The following COL4A3 variants were observed in gnomAD, a reference collection of about 807,000 sequenced individuals.
COL4A3 encodes the protein collagen type IV alpha 3 chain.
In COL4A3, 135 loss-of-function variants were observed where a neutral mutation model predicts 217.4. That is an observed-to-expected ratio of 0.62 (90% confidence interval 0.54 to 0.72). The LOEUF is 0.72. Ranked by LOEUF, COL4A3 falls within the 30% of genes least tolerant of loss-of-function variation. The pLI, the probability that COL4A3 is intolerant of heterozygous loss-of-function variation, is 0.00. For missense variants in COL4A3, 1,868 were observed against 2,119.9 expected (o/e 0.88, Z 2.33); for synonymous variants, 690 against 736.3 (o/e 0.94, Z 1.02).
At chr2:227,267,208 G>A (rs2070952669) in intron 23 of COL4A3, 120 bp downstream of exon 23, 1 of 744,916 alleles carries the variant, frequency 1.3e-6, no homozygotes, top group Non-Finnish European at 2.4e-6. Context: ...TGGAGGGAGA[G>A]TTTCAAAAAC....
At chr2:227,183,282 C>G (rs1051187775) in intron 1 of COL4A3, among the ~76,000 whole-genome samples, 1 of 152,208 alleles carries the variant, frequency 6.6e-6, no homozygotes, top group Non-Finnish European at 1.5e-5. Flanking sequence ...ACCTCCCACA[C>G]TCTCATTCTG....
At chr2:227,261,208 CAA>C in intron 20 of COL4A3, 91 bp downstream of exon 20, 2 of 1,122,696 alleles carry the variant, frequency 1.8e-6, no homozygotes, top group South Asian at 2.7e-5. Flanking sequence ...TTACATAAGA[CAA>C]ATGTTTCATT....
intron 20 of COL4A3, 54 bp from the exon 21 acceptor site, chr2:227,263,726 T>G (rs778917058): frequency 1.3e-6 from 2 of 1,515,346 alleles, no homozygotes; most frequent in African/African-American, 2.8e-5. Context: ...AAAAAATAAA[T>G]TCGTATTAAT....
chr2:227,212,162 T>TG (rs112745258), intron 1 of COL4A3, among the ~76,000 whole-genome samples: 4 of 100,856 alleles, frequency 4.0e-5, no homozygotes, highest in African/African-American at 1.0e-4. Context: ...GTTTTTTTTG[T>TG]TTTTTTTTGT....
chr2:227,232,817 T>C (rs2068479617), intron 1 of COL4A3, among the ~76,000 whole-genome samples: 1 of 152,214 alleles, frequency 6.6e-6, no homozygotes, highest in Admixed American at 6.5e-5. Context: ...TGATTAAATA[T>C]GAATGCATAA....
At chr2:227,193,799 A>G (rs2066347159) in intron 1 of COL4A3, among the ~76,000 whole-genome samples, 2 of 36,990 alleles carry the variant, frequency 5.4e-5, no homozygotes, top group African/African-American at 1.1e-4. Flanking sequence ...GAAGGAAGGA[A>G]GGGGAGGGAG....
intron 46 of COL4A3, 100 bp downstream of exon 46, chr2:227,304,244 G>A: frequency 6.7e-7 from 1 of 1,491,380 alleles, no homozygotes; most frequent in Non-Finnish European, 9.3e-7. Context: ...CACAGAAAAT[G>A]TTGAACATGA....
In COL4A3 at chr2:227,254,508, T is replaced by C. The variant is rs2070025315; in HGVS notation, c.829-148T>C. On this transcript the variant is annotated intron_variant, in intron 14 of 51. Coordinates refer to ENST00000396578, the MANE Select transcript of COL4A3 (RefSeq NM_000091.5). ...TTTAGCATCTGTTTTTTAATTACTA[T>C]TCATCAATAAGATTTCTCTCTTAGA... The C allele has an allele frequency of 2.9e-5, 21 of 722,248 alleles. No homozygotes were observed. The South Asian group carries it at 3.1e-4, about 11-fold the overall frequency. 44.7% of individuals were successfully genotyped at this position (722,248 alleles called of 1,614,324 possible).
At chr2:227,296,661 A>C (rs1432665957) in intron 41 of COL4A3, 1 of 246,458 alleles carries the variant, frequency 4.1e-6, no homozygotes, top group African/African-American at 2.3e-5. Context: ...CCATGCAAAT[A>C]CAGTATTACA....
chr2:227,242,351 G>A (rs2069076236), intron 3 of COL4A3, among the ~76,000 whole-genome samples: 1 of 152,198 alleles, frequency 6.6e-6, no homozygotes, highest in African/African-American at 2.4e-5. Context: ...AAGTGCAGGA[G>A]CTTCTGTCGC....
At chr2:227,209,582 G>A (rs981740150) in intron 1 of COL4A3, among the ~76,000 whole-genome samples, 8 of 152,184 alleles carry the variant, frequency 5.3e-5, no homozygotes, top group Non-Finnish European at 1.2e-4. Context: ...ACTCACACCT[G>A]TAATCCCAGC....
chr2:227,165,397 G>A (rs1286930194), intron 1 of COL4A3, among the ~76,000 whole-genome samples: 1 of 152,150 alleles, frequency 6.6e-6, no homozygotes, highest in Non-Finnish European at 1.5e-5. Flanking sequence ...CTTAGAAATC[G>A]AACTCAGGTT....
intron 1 of COL4A3, among the ~76,000 whole-genome samples, chr2:227,186,922 T>G (rs1156794348): frequency 6.6e-6 from 1 of 152,166 alleles, no homozygotes; most frequent in African/African-American, 2.4e-5. Context: ...TAGATAATAC[T>G]TTCTCATTGT....
chr2:227,231,991 C>A lies in COL4A3; in HGVS notation c.88-5977C>A, dbSNP rs550146594. ...CTCTAAGCTTCTGGTAACCATTCTT[C>A]TACTCTTTATGTCCCTGAGTTCAGT... On this transcript the variant is annotated intron_variant, in intron 1 of 51. Transcript: ENST00000396578. 1.7e-4 allele frequency among the ~76,000 whole-genome samples: 26 copies of A among 152,234 alleles called. No individual in the cohort carries two copies. The East Asian group carries it at 4.8e-3, about 28-fold the overall frequency.
chr2:227,180,022 G>T (rs1460829118), intron 1 of COL4A3, among the ~76,000 whole-genome samples: 3 of 152,190 alleles, frequency 2.0e-5, no homozygotes, highest in Non-Finnish European at 4.4e-5. Flanking sequence ...AAAGTAAAGT[G>T]CTTAAAACTG....
rs2125934642 is a variant in COL4A3, at chr2:227,254,156, T to C, written c.810T>C (p.Pro270=). The C allele has an allele frequency of 6.2e-7, 1 of 1,613,872 alleles. No homozygotes were observed. Among genetic ancestry groups the C allele is most frequent in the Non-Finnish European group, 8.5e-7 (1 of 1,179,838 alleles). The part of the protein sequence containing the change: ...EKGDKGAMGE[P]GPPGPSGLPG... Reference sequence around the variant, plus strand: ...GAGACAAGGGAGCAATGGGCGAGCCTGGACCTCCTGGACCCTCAGTAGGTT... The same window carrying C: ...GAGACAAGGGAGCAATGGGCGAGCCCGGACCTCCTGGACCCTCAGTAGGTT... The change falls in exon 14 of 52, where the codon CCT becomes CCC. Residue 270 remains proline (P), a synonymous_variant. Transcript: ENST00000396578.
chr2:227,215,582 C>A (rs558086413), intron 1 of COL4A3, among the ~76,000 whole-genome samples: 11 of 152,210 alleles, frequency 7.2e-5, no homozygotes, highest in African/African-American at 2.6e-4. Context: ...CCTCAGCCTC[C>A]CGAGTAGCTG....
At chr2:227,229,720 A>G (rs2068287026) in intron 1 of COL4A3, among the ~76,000 whole-genome samples, 1 of 152,138 alleles carries the variant, frequency 6.6e-6, no homozygotes, top group South Asian at 2.1e-4. Context: ...ACATCCTAGT[A>G]TCTCCCTTGA....
chr2:227,225,967 T>G (rs1369567097), intron 1 of COL4A3, among the ~76,000 whole-genome samples: 1 of 152,070 alleles, frequency 6.6e-6, no homozygotes, highest in Admixed American at 6.6e-5. Context: ...CCGCCTCGGC[T>G]TCCCAAAGTG....
Sources: gnomAD v4.1 joint callset for allele counts (sites outside exome capture counted in the v4.1 genomes callset) on GRCh38, gnomAD v4.1.1 for gene constraint, MANE v1.5 for transcripts, NCBI Gene and HGNC (gene_info 2026-07-23, HGNC 2026-07-21) for gene names.